WDR19: variants seen among roughly 807,000 people sequenced by gnomAD.
WDR19 encodes the protein WD repeat domain 19, also known as WD repeat-containing protein 19.
WDR19 carries 121 observed loss-of-function variants against 180.0 expected under a neutral mutation model. That is an observed-to-expected ratio of 0.67 (90% CI 0.58 to 0.78). The LOEUF is 0.78. Among genes scored for constraint, WDR19 ranks in the 30% least tolerant of loss-of-function variants. WDR19 has a pLI of 0.00. For missense variants in WDR19, 1,450 were observed against 1,640.7 expected (o/e 0.88, Z 2.01); for synonymous variants, 497 against 540.7 (o/e 0.92, Z 1.12).
intron 5 of WDR19, chr4:39,194,861 T>C: frequency 1.9e-6 from 1 of 516,916 alleles, no homozygotes; most frequent in African/African-American, 1.9e-5. Context: ...GTACATAGAA[T>C]AGATTGAGTT....
intron 6 of WDR19, among the ~76,000 whole-genome samples, chr4:39,202,519 A>G (rs920792357): frequency 4.5e-4 from 69 of 152,284 alleles, no homozygotes; most frequent in African/African-American, 1.6e-3. Context: ...ATAAAATATG[A>G]CAACATATTC....
At chr4:39,205,937 G>A in intron 9 of WDR19, 1 of 519,500 alleles carries the variant, frequency 1.9e-6, no homozygotes, top group Admixed American at 3.4e-5. Context: ...AATAAAATAG[G>A]TAGTTCTGGG....
rs368200969 is a variant in WDR19, at chr4:39,268,099, C to A, written c.3358+8C>A. The stretch of plus-strand genomic sequence containing the variant: ...GAGAAGAGCAGTCTGCAGGTAGGTC[C>A]GTGATACGTATGTGTTACTTCCCAA... On this transcript the variant is annotated splice_region_variant and intron_variant, in intron 30 of 36. Coordinates refer to ENST00000399820, the MANE Select transcript of WDR19 (RefSeq NM_025132.4). 6.4e-7 allele frequency: 1 copy of A among 1,568,124 alleles called. No individual in the cohort carries two copies. The highest frequency in any genetic ancestry group is 1.2e-5 in the South Asian group (1 of 85,276).
chr4:39,278,494 AAT>A (rs1250456075), intron 35 of WDR19, 43 bp from the exon 36 acceptor site: 1 of 1,483,672 alleles, frequency 6.7e-7, no homozygotes. Context: ...AAGCTAAAGG[AAT>A]GTTATATATT....
intron 2 of WDR19, 82 bp downstream of exon 2, chr4:39,185,899 G>GT (rs139814512): frequency 0.092 from 71,521 of 776,352 alleles, 259 homozygotes; most frequent in East Asian, 0.15. Context: ...TTTTTTTGTT[G>GT]TTGTTTTTTT....
chr4:39,214,342 G>A (rs532538100), intron 9 of WDR19, among the ~76,000 whole-genome samples: 1 of 152,148 alleles, frequency 6.6e-6, no homozygotes, highest in South Asian at 2.1e-4. Flanking sequence ...ATAGATCAGA[G>A]ATTAAGCCAG....
Position 39,253,162 on chromosome 4 carries a change from G to T in WDR19, c.2746G>T (p.Val916Leu). Reference sequence around the variant, plus strand: ...TTTTTACAGATACAAAGAAGCTGTTGTAGCTTATGAAAATGCAAAACAGTG... The same window carrying T: ...TTTTTACAGATACAAAGAAGCTGTTTTAGCTTATGAAAATGCAAAACAGTG... ...EADGRYKEAV[V>L]AYENAKQWQS... The change falls in exon 25 of 37, where the codon GTA (valine) becomes TTA (leucine). Residue 916 changes from valine to leucine, a missense_variant. Transcript: ENST00000399820. 6.2e-7 allele frequency: 1 copy of T among 1,607,420 alleles called. No homozygotes were observed. Among genetic ancestry groups the T allele is most frequent in the Non-Finnish European group, 8.5e-7 (1 of 1,178,122 alleles).
chr4:39,192,142 C>G (rs1046319372), intron 4 of WDR19, among the ~76,000 whole-genome samples: 1 of 152,156 alleles, frequency 6.6e-6, no homozygotes, highest in Admixed American at 6.5e-5. Flanking sequence ...TGCTGATAAA[C>G]TATTGAATGG....
At chr4:39,228,450 A>G in intron 16 of WDR19, 36 bp from the exon 17 acceptor site, 3 of 1,609,588 alleles carry the variant, frequency 1.9e-6, no homozygotes, top group Non-Finnish European at 2.5e-6. Context: ...GCTGAGTATT[A>G]GCTTTCAGCA....
intron 20 of WDR19, among the ~76,000 whole-genome samples, chr4:39,237,523 G>A (rs1333075831): frequency 6.6e-6 from 1 of 152,108 alleles, no homozygotes; most frequent in Non-Finnish European, 1.5e-5. Flanking sequence ...CTGTGATCAC[G>A]CCACTACCCA....
intron 1 of WDR19, among the ~76,000 whole-genome samples, chr4:39,185,065 T>G (rs1252090312): frequency 2.0e-5 from 3 of 152,234 alleles, no homozygotes; most frequent in African/African-American, 7.2e-5. Context: ...AAATCTGATA[T>G]ACATTTTATA....
At chr4:39,253,103 T>A in intron 24 of WDR19, 43 bp from the exon 25 acceptor site, 1 of 1,528,660 alleles carries the variant, frequency 6.5e-7, no homozygotes, top group South Asian at 1.3e-5. Flanking sequence ...TCTCCCCAAA[T>A]TGACAGTGTT....
At position 39,253,255 on chromosome 4, in the gene WDR19, G is replaced by C; in HGVS notation, c.2839G>C (p.Glu947Gln). 2.5e-6 allele frequency: 4 copies of C among 1,613,446 alleles called. No individual in the cohort carries two copies. The highest frequency in any genetic ancestry group is 3.4e-6 in the Non-Finnish European group (4 of 1,179,698). ...NPEKAVNIVR[E>Q]TQSLDGAKMV... The stretch of plus-strand genomic sequence containing the variant: ...TGAAAAAGCTGTCAATATTGTTAGA[G>C]AGACCCAGTCTCTGGATGGAGCCAA... The change falls in exon 25 of 37, where the codon GAG becomes CAG. Residue 947 changes from glutamate to glutamine, a missense_variant. Physicochemically the swap from Glu to Gln is conservative, Grantham distance 29. Coordinates refer to ENST00000399820, the MANE Select transcript of WDR19 (RefSeq NM_025132.4).
rs755749646 is a variant in WDR19 at position 39,244,373 on chromosome 4, A to G, written c.2547A>G (p.Ile849Met). 6.2e-7 allele frequency: 1 copy of G among 1,613,982 alleles called. No individual in the cohort carries two copies. The highest frequency in any genetic ancestry group is 1.1e-5 in the South Asian group (1 of 91,084). Reference protein sequence around the residue: ...SRVLKRDCGAILENMKQFSEA... With the variant: ...SRVLKRDCGAMLENMKQFSEA... ...TCCTTAAAAGAGACTGTGGAGCCATATTGGAGAATATGAAGGTCCTCTTTT... is the reference window on the plus strand; with the variant it reads ...TCCTTAAAAGAGACTGTGGAGCCATGTTGGAGAATATGAAGGTCCTCTTTT... Residue 849 changes from isoleucine to methionine, a missense_variant, in exon 22 of 37, where the codon ATA becomes ATG. By Grantham distance (10) the Ile-to-Met change is conservative. Coordinates refer to ENST00000399820, the MANE Select transcript of WDR19 (RefSeq NM_025132.4).
chr4:39,271,240 A>G (rs1161839558), intron 31 of WDR19, among the ~76,000 whole-genome samples: 3 of 152,360 alleles, frequency 2.0e-5, no homozygotes, highest in African/African-American at 7.2e-5. Context: ...TCCATCACCC[A>G]GATATAACAA....
In WDR19 at chr4:39,255,939, G is replaced by T; in HGVS notation, c.3093G>T (p.Leu1031Phe). ...KRYLQAGKFF[L>F]LCGQYSRALK... Reference sequence around the variant, plus strand: ...ATCTTCAGGCTGGAAAATTCTTCTTGCTGTGTGGCCAATATTCACGAGTTA... The same window carrying T: ...ATCTTCAGGCTGGAAAATTCTTCTTTCTGTGTGGCCAATATTCACGAGTTA... Residue 1031 changes from leucine (L) to phenylalanine (F), a missense_variant, in exon 27 of 37, where the codon TTG (leucine) becomes TTT (phenylalanine). Physicochemically the swap from Leu to Phe is conservative, Grantham distance 22. Coordinates refer to ENST00000399820, the MANE Select transcript of WDR19 (RefSeq NM_025132.4). 6.2e-7 allele frequency: 1 copy of T among 1,606,022 alleles called. No individual in the cohort carries two copies. Among genetic ancestry groups the T allele is most frequent in the Non-Finnish European group, 8.5e-7 (1 of 1,176,048 alleles).
intron 17 of WDR19, among the ~76,000 whole-genome samples, chr4:39,229,783 A>G (rs921377105): frequency 6.6e-6 from 1 of 152,178 alleles, no homozygotes; most frequent in Non-Finnish European, 1.5e-5. Flanking sequence ...TGTACTTACA[A>G]CTACCTTCCA....
rs75570912 is a variant in WDR19, at chr4:39,232,338, A to G, written c.2253+66A>G. Reference sequence around the variant, plus strand: ...CCAGTGGGGAAATGGGGGAAAAAAAAATGGGGCCGGGTGCAGCCGCTCACG... The same window carrying G: ...CCAGTGGGGAAATGGGGGAAAAAAAGATGGGGCCGGGTGCAGCCGCTCACG... On this transcript the variant is annotated intron_variant, in intron 19 of 36. Transcript: ENST00000399820. 394 of 1,374,168 alleles carry G rather than the reference A, an allele frequency of 2.9e-4. No homozygotes were observed. In the East Asian group the frequency reaches 6.8e-3, roughly 24 times the overall value. The allele number at this position is 1,374,168 out of a possible 1,614,324, so 85.1% of individuals were successfully genotyped here.
chr4:39,211,979 G>T (rs112152693), intron 9 of WDR19, among the ~76,000 whole-genome samples: 13,766 of 94,252 alleles, frequency 0.15, 951 homozygotes, highest in African/African-American at 0.19. Context: ...GAGAGAGAGA[G>T]AGAGAGATAG....
Sources: gnomAD v4.1 joint callset for allele counts (sites outside exome capture counted in the v4.1 genomes callset) on GRCh38, gnomAD v4.1.1 for gene constraint, MANE v1.5 for transcripts, NCBI Gene and HGNC (gene_info 2026-07-23, HGNC 2026-07-21) for gene names.